The following HPS1 variants were observed in gnomAD, a reference collection of about 807,000 sequenced individuals.
HPS1 encodes the protein HPS1 biogenesis of lysosomal organelles complex 3 subunit 1, also known as BLOC-3 complex member HPS1.
A neutral mutation model predicts 90.6 loss-of-function variants in HPS1; 59 were observed. The observed-to-expected ratio is 0.65, with a 90% CI of 0.53 to 0.81. The LOEUF is 0.81. HPS1 is among the 30% of genes least tolerant of loss of function. The pLI is 0.00. For synonymous variants in HPS1, 388 were observed against 384.4 expected (o/e 1.01, Z -0.11); for missense variants, 849 against 896.7 (o/e 0.95, Z 0.68).
At chr10:98,424,491 C>G in intron 13 of HPS1, 117 bp from the exon 14 acceptor site, 1 of 886,876 alleles carries the variant, frequency 1.1e-6, no homozygotes, top group Non-Finnish European at 1.8e-6. Flanking sequence ...CAAATCTGCC[C>G]TTCTGGCCAA....
chr10:98,425,540 C>A lies in HPS1; in HGVS notation c.1335+1G>T, dbSNP rs576459585. ...GGGGAGGACTGGAACTTGGGTCTCA[C>A]CTGAATCTCCTGTGCCCCTCGATTC... On this transcript the variant is annotated splice_donor_variant, in intron 13 of 19. Transcript: ENST00000361490. LOFTEE classifies it high-confidence loss of function. 2 of 1,608,902 alleles carry A rather than the reference C, an allele frequency of 1.2e-6. No individual in the cohort carries two copies. The highest frequency in any genetic ancestry group is 2.2e-5 in the South Asian group (2 of 89,730).
intron 18 of HPS1, among the ~76,000 whole-genome samples, chr10:98,419,288 T>C (rs1844535702): frequency 6.6e-6 from 1 of 151,926 alleles, no homozygotes; most frequent in South Asian, 2.1e-4. Context: ...GGAGGAACAC[T>C]CCTGAGAGCT....
At position 98,418,158 on chromosome 10, in the gene HPS1, TC is replaced by T; in HGVS notation, c.1940+16del. Reference sequence around the variant, plus strand: ...AATGGGGGCATCTGTCCCCAGTGGCTCCCAACGCAGCGTCACCTGTAGTAGT... The same window carrying T: ...AATGGGGGCATCTGTCCCCAGTGGCTCCAACGCAGCGTCACCTGTAGTAGT... On this transcript the variant is annotated intron_variant, in intron 19 of 19. Coordinates refer to ENST00000361490, the MANE Select transcript of HPS1 (RefSeq NM_000195.5). 6.4e-7 allele frequency: 1 copy of T among 1,565,166 alleles called. No individual in the cohort carries two copies. Among genetic ancestry groups the T allele is most frequent in the Non-Finnish European group, 8.8e-7 (1 of 1,140,578 alleles).
rs1239676227 is a variant in HPS1 at position 98,443,098 on chromosome 10, C to T, written c.117+26G>A. The T allele has an allele frequency of 4.0e-6, 6 of 1,503,824 alleles. No individual in the cohort carries two copies. In the East Asian group the frequency reaches 9.0e-5, roughly 23 times the overall value. The allele number at this position is 1,503,824 out of a possible 1,614,324, so 93.2% of individuals were successfully genotyped here. ...GTATGGTTCCTTCCTATCCACCCCT[C>T]CTGGGACTGCCTACCCTGCACTCAC... is the stretch of plus-strand genomic sequence containing the variant. On this transcript the variant is annotated intron_variant, in intron 3 of 19. Transcript: ENST00000361490.
intron 6 of HPS1, 39 bp downstream of exon 6, chr10:98,433,944 C>G (rs1348406299): frequency 1.3e-6 from 2 of 1,550,008 alleles, no homozygotes. Context: ...TCTGACCTGA[C>G]AGCTTCAAGT....
At chr10:98,429,309 T>G in intron 10 of HPS1, 1 of 1,400,612 alleles carries the variant, frequency 7.1e-7, no homozygotes, top group Non-Finnish European at 9.3e-7. Context: ...AGTCTGAGAA[T>G]GCATGTACAG....
rs367873195 is a variant in HPS1 at position 98,435,372 on chromosome 10, C to T, written c.298G>A (p.Glu100Lys). 3.8e-5 allele frequency: 61 copies of T among 1,613,916 alleles called. No individual in the cohort carries two copies. Among genetic ancestry groups the T allele is most frequent in the Non-Finnish European group, 4.7e-5 (56 of 1,180,026 alleles). ...LFIAINGDHTESEGDLRRKLY... is the reference protein window; with the variant it reads ...LFIAINGDHTKSEGDLRRKLY... ...TTCCGCCGCAGGTCCCCCTCGCTCT[C>T]GGTGTGGTCACCATTGATGGCAATG... Residue 100 changes from glutamate (E) to lysine (K), a missense_variant, in exon 5 of 20, where the codon GAG (glutamate) becomes AAG (lysine). By Grantham distance (56) the Glu-to-Lys change is moderately conservative. Transcript: ENST00000361490. This position sits in a 1 kb window ranked among gnomAD's most constrained non-coding sequence, Gnocchi z 4.3.
chr10:98,415,315 G>A, downstream of HPS1: 1 of 818,020 alleles, frequency 1.2e-6, no homozygotes, highest in Non-Finnish European at 1.8e-6. Context: ...CTGGGGCTGT[G>A]CTGGGCCGTC....
Position 98,430,617 on chromosome 10 carries a change from A to C in HPS1, c.722T>G (p.Val241Gly). 6.4e-7 allele frequency: 1 copy of C among 1,556,416 alleles called. No individual in the cohort carries two copies. The highest frequency in any genetic ancestry group is 8.7e-7 in the Non-Finnish European group (1 of 1,149,308). Residue 241 changes from valine (V) to glycine (G), a missense_variant, in exon 8 of 20, where the codon GTT (valine) becomes GGT (glycine). By Grantham distance (109) the Val-to-Gly change is moderately radical (BLOSUM62 -3). Coordinates refer to ENST00000361490, the MANE Select transcript of HPS1 (RefSeq NM_000195.5). The part of the protein sequence containing the change: ...PADLLALILL[V>G]QDLYPSESTA... Reference sequence around the variant, plus strand: ...GCTCTCGCTGGGGTAGAGGTCCTGAACCAGGAGGATGAGGGCAAGCAGGTC... The same window carrying C: ...GCTCTCGCTGGGGTAGAGGTCCTGACCCAGGAGGATGAGGGCAAGCAGGTC...
chr10:98,437,649 C>A (rs1937615687), intron 3 of HPS1, among the ~76,000 whole-genome samples: 1 of 152,206 alleles, frequency 6.6e-6, no homozygotes, highest in Middle Eastern at 3.2e-3. Context: ...TTGGCTACAC[C>A]ATCTAGGTTT....
chr10:98,444,262 C>T (rs970490080), intron 2 of HPS1, among the ~76,000 whole-genome samples: 1 of 151,978 alleles, frequency 6.6e-6, no homozygotes, highest in Non-Finnish European at 1.5e-5. Context: ...TCCCCACCCC[C>T]CCGCCACACA....
In HPS1 at chr10:98,417,598, C is replaced by T. The variant is rs751380382; in HGVS notation, c.2069G>A (p.Arg690His). The change falls in exon 20 of 20, where the codon CGC becomes CAC. Residue 690 changes from arginine to histidine, a missense_variant. Transcript: ENST00000361490. This position sits in a 1 kb window ranked among gnomAD's most constrained non-coding sequence, Gnocchi z 4.2. ...GGGGATACGGGAGGCCTCCCAGAGGCGCCGGGCCAGCTGGCCGGCCTGCTG... is the reference window on the plus strand; with the variant it reads ...GGGGATACGGGAGGCCTCCCAGAGGTGCCGGGCCAGCTGGCCGGCCTGCTG... ...LVQQAGQLAR[R>H]LWEASRIPLL The T allele has an allele frequency of 1.6e-5, 26 of 1,611,938 alleles. No homozygotes were observed. Among genetic ancestry groups the T allele is most frequent in the African/African-American group, 4.0e-5 (3 of 74,894 alleles).
In HPS1 at chr10:98,422,532, G is replaced by A; in HGVS notation, c.1599-19C>T. 11 of 1,613,374 alleles carry A rather than the reference G, an allele frequency of 6.8e-6. No individual in the cohort carries two copies. Among genetic ancestry groups the A allele is most frequent in the Non-Finnish European group, 9.3e-6 (11 of 1,179,730 alleles). ...TAGGTAGGTGAAGGTCTGAGTTAAG[G>A]TGCTTACAAGCCAGGAGCTAGGGAC... On this transcript the variant is annotated intron_variant, in intron 16 of 19. Transcript: ENST00000361490.
At chr10:98,421,165 C>T (rs1844804470) in intron 17 of HPS1, among the ~76,000 whole-genome samples, 1 of 152,188 alleles carries the variant, frequency 6.6e-6, no homozygotes, top group South Asian at 2.1e-4. Context: ...GCGATCTGCT[C>T]CAAACTGCAT....
chr10:98,427,597 A>G lies in HPS1; in HGVS notation c.938-333T>C, dbSNP rs931046640. Among the ~76,000 whole-genome samples the G allele has an allele frequency of 3.2e-4, 48 of 152,040 alleles. 1 individual carries two copies. Among genetic ancestry groups the G allele is most frequent in the Non-Finnish European group, 1.2e-4 (8 of 67,994 alleles). On this transcript the variant is annotated intron_variant, in intron 10 of 19. Coordinates refer to ENST00000361490, the MANE Select transcript of HPS1 (RefSeq NM_000195.5). ...CTTCCTCCCCCCTCCCTTGCCCCCA[A>G]TCCCCTCCTTGTTCTGTCCCCTGTA... is the stretch of plus-strand genomic sequence containing the variant.
At chr10:98,426,028 G>A (rs1845561994) in intron 11 of HPS1, 43 bp from the exon 12 acceptor site, 1 of 1,572,128 alleles carries the variant, frequency 6.4e-7, no homozygotes, top group African/African-American at 1.3e-5. Context: ...GGATCCCTAA[G>A]TTGGACCCAC....
At chr10:98,443,560 A>T (rs1938841510) in intron 2 of HPS1, among the ~76,000 whole-genome samples, 1 of 152,088 alleles carries the variant, frequency 6.6e-6, no homozygotes, top group Non-Finnish European at 1.5e-5. Flanking sequence ...CAACAGACCC[A>T]CCACGGGGCC....
intron 2 of HPS1, 54 bp from the exon 3 acceptor site, chr10:98,443,294 T>G: frequency 1.5e-6 from 2 of 1,332,606 alleles, no homozygotes; most frequent in Admixed American, 3.4e-5. Context: ...ATCTATGAGC[T>G]CAGTCTGAGT....
Position 98,430,623 on chromosome 10 carries a change from AG to A in HPS1, c.715del (p.Leu239SerfsTer92). The A allele has an allele frequency of 6.4e-7, 1 of 1,556,424 alleles. No homozygotes were observed. Among genetic ancestry groups the A allele is most frequent in the South Asian group, 1.2e-5 (1 of 84,326 alleles). ...GCTGGGGTAGAGGTCCTGAACCAGGAGGATGAGGGCAAGCAGGTCGGCCGGG... is the reference window on the plus strand; with the variant it reads ...GCTGGGGTAGAGGTCCTGAACCAGGAGATGAGGGCAAGCAGGTCGGCCGGG... ...LRPADLLALI[L>X]LVQDLYPSES... On this transcript the variant is annotated frameshift_variant, in exon 8 of 20. Transcript: ENST00000361490. LOFTEE classifies it high-confidence loss of function.
Sources: gnomAD v4.1 joint callset for allele counts (sites outside exome capture counted in the v4.1 genomes callset) on GRCh38, gnomAD v4.1.1 for gene constraint, Gnocchi (gnomAD v3.1) non-coding constraint, MANE v1.5 for transcripts, NCBI Gene and HGNC (gene_info 2026-07-23, HGNC 2026-07-21) for gene names.